The following ACSS3 variants were observed in gnomAD, a reference collection of about 807,000 sequenced individuals.
ACSS3 encodes the protein acyl-CoA synthetase short chain family member 3, also known as acyl-CoA synthetase short-chain family member 3, mitochondrial.
In ACSS3, 64 loss-of-function variants were observed where a neutral mutation model predicts 84.2. The ratio of observed to expected loss-of-function variants is 0.76; its 90% confidence interval spans 0.62 to 0.94. The LOEUF (loss-of-function observed/expected upper bound fraction) is 0.94. Among genes scored for constraint, ACSS3 ranks in the 40% least tolerant of loss-of-function variants. The probability of loss-of-function intolerance (pLI) is 0.00; values close to 1 mark genes in which losing one functional copy is unlikely to be tolerated. For synonymous variants in ACSS3, 317 were observed against 310.1 expected, an observed-to-expected ratio of 1.02 and a Z score of -0.23; for missense variants, 815 against 867.6, an observed-to-expected ratio of 0.94 and a Z score of 0.76.
At chr12:81,172,035 G>A (rs2030089891) in intron 7 of ACSS3, among the ~76,000 whole-genome samples, 1 of 152,100 alleles carries the variant, frequency 6.6e-6, no homozygotes, top group Non-Finnish European at 1.5e-5. Context: ...AGAGGCCGAA[G>A]GCAGGCGGAT....
intron 1 of ACSS3, among the ~76,000 whole-genome samples, chr12:81,090,841 G>T (rs922036378): frequency 6.6e-6 from 1 of 151,928 alleles, no homozygotes; most frequent in Non-Finnish European, 1.5e-5. Context: ...GTGGGGGATT[G>T]GTTCCAGAAC....
intron 9 of ACSS3, among the ~76,000 whole-genome samples, chr12:81,206,690 T>A (rs1452200294): frequency 6.6e-6 from 1 of 152,078 alleles, no homozygotes; most frequent in East Asian, 1.9e-4. Flanking sequence ...TTTAGAGTAG[T>A]CTTCATTAGT....
intron 5 of ACSS3, among the ~76,000 whole-genome samples, chr12:81,151,022 C>T (rs1886585741): frequency 6.6e-6 from 1 of 151,978 alleles, no homozygotes. Context: ...TCTTATTGGG[C>T]CAATGATGAT....
intron 2 of ACSS3, among the ~76,000 whole-genome samples, chr12:81,129,660 T>C (rs1368289565): frequency 6.6e-6 from 1 of 152,204 alleles, no homozygotes; most frequent in African/African-American, 2.4e-5. Flanking sequence ...AGTTCTAGGG[T>C]ACATGTGCAC....
chr12:81,184,865 G>A (rs2031163186), intron 8 of ACSS3, among the ~76,000 whole-genome samples: 1 of 151,600 alleles, frequency 6.6e-6, no homozygotes, highest in Non-Finnish European at 1.5e-5. Context: ...AGCTAGAAGT[G>A]TACTTCCAGA....
chr12:81,109,676 C>T lies in ACSS3; in HGVS notation c.428C>T (p.Thr143Ile), dbSNP rs1327521115. 3 of 1,604,886 alleles carry T rather than the reference C, an allele frequency of 1.9e-6. No homozygotes were observed. The Admixed American group carries it at 5.1e-5, about 27-fold the overall frequency. ...AGTCCTGTTACAAACACTAAAGCAA[C>T]CTTTACCTATAAAGAAGTTCTGGAG... ...YDSPVTNTKATFTYKEVLEQV... is the reference protein window; with the variant it reads ...YDSPVTNTKAIFTYKEVLEQV... The change falls in exon 2 of 16, where the codon ACC (threonine) becomes ATC (isoleucine). Residue 143 changes from threonine to isoleucine, a missense_variant. Coordinates refer to ENST00000548058, the MANE Select transcript of ACSS3 (RefSeq NM_024560.4).
At chr12:81,198,636 C>T (rs576363031) in intron 8 of ACSS3, among the ~76,000 whole-genome samples, 4 of 151,520 alleles carry the variant, frequency 2.6e-5, no homozygotes, top group Non-Finnish European at 4.4e-5. Flanking sequence ...CAACGAACCA[C>T]TAATGGGGTC....
chr12:81,126,673 G>GA (rs1885119251), intron 2 of ACSS3, among the ~76,000 whole-genome samples: 1 of 152,140 alleles, frequency 6.6e-6, no homozygotes, highest in Non-Finnish European at 1.5e-5. Flanking sequence ...ATTACAGTCT[G>GA]AAAATCACAG....
intron 10 of ACSS3, among the ~76,000 whole-genome samples, chr12:81,219,535 T>C (rs1170202753): frequency 6.6e-6 from 1 of 152,112 alleles, no homozygotes; most frequent in Non-Finnish European, 1.5e-5. Context: ...AGATAATATT[T>C]GGGAAGATTA....
At chr12:81,246,945 A>G (rs2034002798) in intron 13 of ACSS3, among the ~76,000 whole-genome samples, 1 of 152,202 alleles carries the variant, frequency 6.6e-6, no homozygotes, top group African/African-American at 2.4e-5. Context: ...AGTTAAAAAA[A>G]TTAAAAATTA....
At chr12:81,242,551 AC>A (rs1456724847) in intron 13 of ACSS3, among the ~76,000 whole-genome samples, 1 of 150,756 alleles carries the variant, frequency 6.6e-6, no homozygotes, top group African/African-American at 2.4e-5. Flanking sequence ...CAGAGACACA[AC>A]CAAAAAAGAG....
intron 9 of ACSS3, among the ~76,000 whole-genome samples, chr12:81,211,833 T>G (rs1207457151): frequency 6.6e-6 from 1 of 152,224 alleles, no homozygotes; most frequent in East Asian, 1.9e-4. Flanking sequence ...GAAGTATTCC[T>G]GCATGATCTG....
At chr12:81,107,019 G>A (rs1270341873) in intron 1 of ACSS3, among the ~76,000 whole-genome samples, 1 of 151,992 alleles carries the variant, frequency 6.6e-6, no homozygotes, top group Non-Finnish European at 1.5e-5. Flanking sequence ...GAGGTGGAGT[G>A]AAATGAGTAT....
intron 13 of ACSS3, among the ~76,000 whole-genome samples, chr12:81,243,875 A>G (rs370885230): frequency 3.8e-4 from 58 of 152,284 alleles, no homozygotes; most frequent in African/African-American, 1.4e-3. Flanking sequence ...TGTGAGGTAA[A>G]TTGAGAACAA....
chr12:81,088,870 T>A (rs1311657445), intron 1 of ACSS3, among the ~76,000 whole-genome samples: 1 of 152,028 alleles, frequency 6.6e-6, no homozygotes, highest in Non-Finnish European at 1.5e-5. Flanking sequence ...TGGGTCTACA[T>A]CTCAAAAACA....
At chr12:81,217,784 A>G (rs1172452038) in intron 10 of ACSS3, among the ~76,000 whole-genome samples, 2 of 152,104 alleles carry the variant, frequency 1.3e-5, no homozygotes, top group Admixed American at 6.5e-5. Flanking sequence ...CAGAGGTTTC[A>G]GTGAGCTGAG....
intron 1 of ACSS3, among the ~76,000 whole-genome samples, chr12:81,105,629 A>G (rs1882923513): frequency 6.6e-6 from 1 of 152,204 alleles, no homozygotes; most frequent in African/African-American, 2.4e-5. Context: ...CCTAAATCCT[A>G]TGCTTCTTGA....
intron 2 of ACSS3, among the ~76,000 whole-genome samples, chr12:81,128,749 T>G (rs949881232): frequency 3.9e-5 from 6 of 152,322 alleles, no homozygotes; most frequent in African/African-American, 9.6e-5. Flanking sequence ...TATGGTAGGA[T>G]AAGAATATGT....
chr12:81,167,329 C>T (rs140390326), intron 7 of ACSS3, among the ~76,000 whole-genome samples: 31 of 152,200 alleles, frequency 2.0e-4, no homozygotes, highest in Non-Finnish European at 3.5e-4. Context: ...AGAACCAAAC[C>T]AAAAGGATAG....
Sources: allele counts gnomAD v4.1 joint callset (sites outside exome capture counted in the v4.1 genomes callset), GRCh38; gene constraint gnomAD v4.1.1; transcripts MANE v1.5; gene names NCBI Gene and HGNC (gene_info 2026-07-23, HGNC 2026-07-21).